The following OPCML variants were observed in gnomAD, a reference collection of about 807,000 sequenced individuals.
The protein encoded by OPCML is opioid-binding protein/cell adhesion molecule.
OPCML carries 13 observed loss-of-function variants against 37.8 expected under a neutral mutation model. The ratio of observed to expected loss-of-function variants is 0.34; its 90% confidence interval spans 0.22 to 0.55. OPCML has a LOEUF of 0.55. Among genes scored for constraint, OPCML ranks in the 20% least tolerant of loss-of-function variants. The probability of loss-of-function intolerance (pLI) is 0.91; values close to 1 mark genes in which losing one functional copy is unlikely to be tolerated. For synonymous variants in OPCML, 176 were observed against 168.8 expected (o/e 1.04, Z -0.33); for missense variants, 341 against 435.6 (o/e 0.78, Z 1.93).
At chr11:133,492,112 A>G (rs1042942774) in intron 1 of OPCML, among the ~76,000 whole-genome samples, 1 of 152,094 alleles carries the variant, frequency 6.6e-6, no homozygotes, top group South Asian at 2.1e-4. Flanking sequence ...CAGCAGGCAA[A>G]CCTCGCCAGT....
chr11:133,396,855 T>C (rs971863237), intron 1 of OPCML, among the ~76,000 whole-genome samples: 1 of 152,166 alleles, frequency 6.6e-6, no homozygotes. Context: ...CAAAAAGTGA[T>C]CCCTTACCCT....
At chr11:133,301,741 T>C (rs1424997255) in intron 1 of OPCML, 2 of 152,146 alleles carry the variant, frequency 1.3e-5, no homozygotes, top group East Asian at 3.9e-4. Context: ...TGTTTGTTCA[T>C]ATTTATGTGT....
chr11:132,791,485 C>G (rs1457463143), intron 2 of OPCML, among the ~76,000 whole-genome samples: 1 of 152,174 alleles, frequency 6.6e-6, no homozygotes, highest in Admixed American at 6.5e-5. Flanking sequence ...ATCATTACAA[C>G]TCTGACTGGA....
intron 1 of OPCML, among the ~76,000 whole-genome samples, chr11:133,270,958 G>A (rs1033291013): frequency 6.6e-6 from 1 of 152,122 alleles, no homozygotes; most frequent in Admixed American, 6.5e-5. Flanking sequence ...CTGTGTCCTC[G>A]TTAAGGTCTG....
At chr11:132,625,904 G>A (rs1178816589) in intron 3 of OPCML, among the ~76,000 whole-genome samples, 1 of 151,960 alleles carries the variant, frequency 6.6e-6, no homozygotes, top group African/African-American at 2.4e-5. Context: ...TAGAACTGTT[G>A]GAACTATAGG....
intron 3 of OPCML, among the ~76,000 whole-genome samples, chr11:132,647,453 A>G (rs1358010176): frequency 6.6e-6 from 1 of 152,248 alleles, no homozygotes; most frequent in African/African-American, 2.4e-5. Context: ...AAATTTAACT[A>G]CTAAGAGCCT....
At chr11:132,518,458 G>A (rs1430970096) in intron 4 of OPCML, among the ~76,000 whole-genome samples, 1 of 152,154 alleles carries the variant, frequency 6.6e-6, no homozygotes, top group Non-Finnish European at 1.5e-5. Flanking sequence ...TCAGGCCATT[G>A]TCTCACCTGC....
At chr11:133,473,977 G>A (rs2137011703) in intron 1 of OPCML, among the ~76,000 whole-genome samples, 1 of 152,324 alleles carries the variant, frequency 6.6e-6, no homozygotes, top group East Asian at 1.9e-4. Context: ...AATGGGCTGA[G>A]CTAAAAAGGG....
intron 1 of OPCML, chr11:133,300,331 G>A (rs1464656830): frequency 6.6e-6 from 1 of 151,826 alleles, no homozygotes; most frequent in Non-Finnish European, 1.5e-5. Context: ...CTGCTCTTGT[G>A]TGAACTCTAT....
chr11:133,373,620 G>T (rs1944733975), intron 1 of OPCML, among the ~76,000 whole-genome samples: 1 of 149,398 alleles, frequency 6.7e-6, no homozygotes, highest in Non-Finnish European at 1.5e-5. Context: ...GACAGGCCCT[G>T]TCTCAGAAAC....
At chr11:133,256,328 A>G (rs997781568) in intron 1 of OPCML, among the ~76,000 whole-genome samples, 1 of 152,252 alleles carries the variant, frequency 6.6e-6, no homozygotes, top group Admixed American at 6.5e-5. Flanking sequence ...ACATTGGGAT[A>G]TAATAATACC....
At chr11:132,609,415 C>T (rs1167712116) in intron 3 of OPCML, among the ~76,000 whole-genome samples, 1 of 152,138 alleles carries the variant, frequency 6.6e-6, no homozygotes. Flanking sequence ...ACAAGCTACT[C>T]CTGGCAGGTT....
At chr11:133,506,352 G>A (rs1024885108) in intron 1 of OPCML, among the ~76,000 whole-genome samples, 1 of 152,216 alleles carries the variant, frequency 6.6e-6, no homozygotes, top group Non-Finnish European at 1.5e-5. Context: ...TACTTCCCTA[G>A]TGCCTGCAAA....
chr11:133,504,932 T>A, intron 1 of OPCML, among the ~76,000 whole-genome samples: 1 of 152,012 alleles, frequency 6.6e-6, no homozygotes, highest in African/African-American at 2.4e-5. Context: ...GAAGCAAAAA[T>A]GGCCAACAGG....
chr11:133,043,640 A>G (rs1172030584), intron 1 of OPCML, among the ~76,000 whole-genome samples: 1 of 152,200 alleles, frequency 6.6e-6, no homozygotes, highest in Non-Finnish European at 1.5e-5. Context: ...GCCCTTTCCC[A>G]TGCAGAGCCT....
intron 2 of OPCML, among the ~76,000 whole-genome samples, chr11:132,716,455 A>T (rs1944497440): frequency 1.4e-5 from 2 of 145,724 alleles, no homozygotes; most frequent in South Asian, 4.3e-4. Context: ...TCTATCTATC[A>T]TCTGTCTACC....
chr11:132,579,622 G>C (rs1477250256), intron 3 of OPCML, among the ~76,000 whole-genome samples: 2 of 152,088 alleles, frequency 1.3e-5, no homozygotes, highest in Non-Finnish European at 2.9e-5. Flanking sequence ...ATCCCCAAAA[G>C]TTCCCAGGAC....
At chr11:133,405,650 G>A (rs1368431032) in intron 1 of OPCML, among the ~76,000 whole-genome samples, 6 of 152,128 alleles carry the variant, frequency 3.9e-5, no homozygotes, top group Non-Finnish European at 7.3e-5. Context: ...TAGCGCTGGG[G>A]GAAGCAGAGC....
At chr11:132,668,742 T>G (rs899659224) in intron 2 of OPCML, among the ~76,000 whole-genome samples, 6 of 152,228 alleles carry the variant, frequency 3.9e-5, no homozygotes, top group Non-Finnish European at 1.5e-5. Flanking sequence ...GATGTGGTAT[T>G]AATCAGAAAT....
Sources: allele counts gnomAD v4.1 joint callset (sites outside exome capture counted in the v4.1 genomes callset), GRCh38; gene constraint gnomAD v4.1.1; transcripts MANE v1.5; gene names NCBI Gene and HGNC (gene_info 2026-07-23, HGNC 2026-07-21).